The following VWC2 variants were observed in gnomAD, a reference collection of about 807,000 sequenced individuals.
The protein encoded by VWC2 is brorin.
A neutral mutation model predicts 29.8 loss-of-function variants in VWC2; 14 were observed. The ratio of observed to expected loss-of-function variants is 0.47; its 90% CI spans 0.31 to 0.74. The LOEUF (loss-of-function observed/expected upper bound fraction) is 0.74, where lower values mean the gene tolerates loss of function less well. Among genes scored for constraint, VWC2 ranks in the 30% least tolerant of loss-of-function variants. VWC2 has a pLI of 0.05. For synonymous variants in VWC2, 213 were observed against 199.0 expected, an observed-to-expected ratio of 1.07 and a Z score of -0.59; for missense variants, 457 against 459.8, an observed-to-expected ratio of 0.99 and a Z score of 0.05.
chr7:49,826,343 G>T (rs928809807), intron 3 of VWC2, among the ~76,000 whole-genome samples: 1 of 152,036 alleles, frequency 6.6e-6, no homozygotes, highest in Admixed American at 6.6e-5. Context: ...ATCCAAAAAA[G>T]AATAATCTCC....
chr7:49,867,019 T>A (rs1403926049), intron 3 of VWC2, among the ~76,000 whole-genome samples: 2 of 152,152 alleles, frequency 1.3e-5, no homozygotes, highest in Non-Finnish European at 2.9e-5. Flanking sequence ...CCGGGATAAT[T>A]CAGGACTGAT....
chr7:49,902,554 CAA>C (rs34786165), intron 3 of VWC2, among the ~76,000 whole-genome samples: 46 of 106,582 alleles, frequency 4.3e-4, no homozygotes, highest in Middle Eastern at 5.1e-3. Context: ...TATCCGTAGC[CAA>C]AAAAAAAAAA....
intron 3 of VWC2, among the ~76,000 whole-genome samples, chr7:49,815,263 A>G (rs1406991535): frequency 1.3e-5 from 2 of 152,216 alleles, no homozygotes; most frequent in Middle Eastern, 6.3e-3. Flanking sequence ...TTATGATAAA[A>G]GTAGTGAGGG....
At chr7:49,849,979 G>T (rs1228926574) in intron 3 of VWC2, among the ~76,000 whole-genome samples, 1 of 152,080 alleles carries the variant, frequency 6.6e-6, no homozygotes, top group East Asian at 1.9e-4. Context: ...ACCACAGCAG[G>T]GTGTGGAGGA....
At chr7:49,791,335 G>T (rs1382869598) in intron 2 of VWC2, among the ~76,000 whole-genome samples, 1 of 152,178 alleles carries the variant, frequency 6.6e-6, no homozygotes, top group Non-Finnish European at 1.5e-5. Context: ...TGGGCTACGC[G>T]GAGAGACTGC....
chr7:49,903,383 C>T (rs1318802817), intron 3 of VWC2, among the ~76,000 whole-genome samples: 1 of 152,140 alleles, frequency 6.6e-6, no homozygotes, highest in African/African-American at 2.4e-5. Context: ...TACAGCCATA[C>T]CATGGAATAC....
chr7:49,784,813 G>T (rs1241781454), intron 2 of VWC2, among the ~76,000 whole-genome samples: 1 of 152,152 alleles, frequency 6.6e-6, no homozygotes, highest in Admixed American at 6.5e-5. Context: ...CACACACGGG[G>T]TGAATGCACC....
chr7:49,865,127 A>G (rs1790824912), intron 3 of VWC2, among the ~76,000 whole-genome samples: 1 of 152,166 alleles, frequency 6.6e-6, no homozygotes, highest in African/African-American at 2.4e-5. Context: ...TAAAGATGTA[A>G]TTGATTTTGT....
At chr7:49,784,411 G>T (rs566418366) in intron 2 of VWC2, among the ~76,000 whole-genome samples, 1 of 152,354 alleles carries the variant, frequency 6.6e-6, no homozygotes, top group South Asian at 2.1e-4. Context: ...AATCCATAGA[G>T]CAAAGTCTGC....
At chr7:49,895,334 C>T (rs1287551140) in intron 3 of VWC2, among the ~76,000 whole-genome samples, 2 of 152,204 alleles carry the variant, frequency 1.3e-5, no homozygotes, top group Non-Finnish European at 2.9e-5. Context: ...AATACTATCA[C>T]ATTGTTGATT....
chr7:49,797,050 GCTGT>G (rs2128704862), intron 2 of VWC2, among the ~76,000 whole-genome samples: 1 of 152,240 alleles, frequency 6.6e-6, no homozygotes, highest in South Asian at 2.1e-4. Flanking sequence ...TACAGTCCTT[GCTGT>G]CTATGTACAT....
At chr7:49,849,549 T>C (rs1362842735) in intron 3 of VWC2, among the ~76,000 whole-genome samples, 2 of 152,186 alleles carry the variant, frequency 1.3e-5, no homozygotes, top group Admixed American at 6.5e-5. Flanking sequence ...ATGCCACATT[T>C]CAGCCCTTCT....
intron 3 of VWC2, among the ~76,000 whole-genome samples, chr7:49,854,064 A>G (rs1178242058): frequency 6.6e-6 from 1 of 151,958 alleles, no homozygotes; most frequent in Non-Finnish European, 1.5e-5. Context: ...TTATGGCTGC[A>G]TAGTATTCCA....
chr7:49,889,951 AT>A lies in VWC2; in HGVS notation c.827-22082del, dbSNP rs1792062561. The stretch of plus-strand genomic sequence containing the variant: ...GTTTTGCAAAAGAGTCAAATAACTA[AT>A]CTCAATTTTAATCTTGTGATTAGAA... On this transcript the variant is annotated intron_variant, in intron 3 of 3. Coordinates refer to ENST00000340652, the MANE Select transcript of VWC2 (RefSeq NM_198570.5). Among the ~76,000 whole-genome samples, 9 of 152,322 alleles carry A rather than the reference AT, an allele frequency of 5.9e-5. No individual in the cohort carries two copies. In the South Asian group the frequency reaches 1.9e-3, roughly 32 times the overall value.
chr7:49,871,908 AACACACACACACACACACACACAC>A lies in VWC2; in HGVS notation c.827-40099_827-40076del, dbSNP rs72332840. ...TTTTGTATGTATATGTGTGTATATAAACACACACACACACACACACACACACACACACACACACACACACACACA... is the reference window on the plus strand; with the variant it reads ...TTTTGTATGTATATGTGTGTATATAAACACACACACACACACACACACACA... On this transcript the variant is annotated intron_variant, in intron 3 of 3. Coordinates refer to ENST00000340652, the MANE Select transcript of VWC2 (RefSeq NM_198570.5). Among the ~76,000 whole-genome samples, 367 of 87,914 alleles carry A rather than the reference AACACACACACACACACACACACAC, an allele frequency of 4.2e-3. 4 individuals carry two copies. The highest frequency in any genetic ancestry group is 0.014 in the Middle Eastern group (3 of 210). 57.7% of individuals were successfully genotyped at this position (87,914 alleles called of 152,430 possible). A position where few individuals can be genotyped will look rare whatever the true frequency, so the allele number is the denominator to read the frequency against.
intron 3 of VWC2, among the ~76,000 whole-genome samples, chr7:49,865,427 G>T (rs1790840580): frequency 6.6e-6 from 1 of 152,168 alleles, no homozygotes; most frequent in South Asian, 2.1e-4. Flanking sequence ...ATAACCAACC[G>T]CAAAACGTAG....
intron 2 of VWC2, among the ~76,000 whole-genome samples, chr7:49,791,663 C>T (rs1788464907): frequency 6.6e-6 from 1 of 152,238 alleles, no homozygotes; most frequent in Admixed American, 6.5e-5. Flanking sequence ...CCTCCACCAG[C>T]TCCAGGCTGA....
intron 3 of VWC2, among the ~76,000 whole-genome samples, chr7:49,836,547 G>C (rs187705884): frequency 6.6e-6 from 1 of 151,764 alleles, no homozygotes; most frequent in East Asian, 1.9e-4. Flanking sequence ...GCTGAGGCAG[G>C]AGAATTGCTT....
intron 2 of VWC2, among the ~76,000 whole-genome samples, chr7:49,791,333 G>A (rs747385008): frequency 3.3e-5 from 5 of 152,198 alleles, no homozygotes; most frequent in African/African-American, 9.7e-5. Flanking sequence ...CCTGGGCTAC[G>A]CGGAGAGACT....
Sources: allele counts gnomAD v4.1 joint callset (sites outside exome capture counted in the v4.1 genomes callset), GRCh38; gene constraint gnomAD v4.1.1; transcripts MANE v1.5; gene names NCBI Gene and HGNC (gene_info 2026-07-23, HGNC 2026-07-21).